Variants in THOC1 observed in about 807,000 individuals in gnomAD.
THOC1 encodes the protein THO complex subunit 1, also known as THO complex 1.
THOC1 carries 29 observed loss-of-function variants against 97.3 expected under a neutral mutation model. The ratio of observed to expected loss-of-function variants is 0.30; its 90% CI spans 0.22 to 0.41. THOC1 has a LOEUF of 0.41. THOC1 is among the 10% of genes least tolerant of loss of function. The pLI, the probability that THOC1 is intolerant of heterozygous loss-of-function variation, is 1.00. For synonymous variants in THOC1, 255 were observed against 257.0 expected (o/e 0.99, Z 0.07); for missense variants, 529 against 761.9 (o/e 0.69, Z 3.60).
At chr18:235,477 C>CT (rs1911649239) in intron 11 of THOC1, among the ~76,000 whole-genome samples, 1 of 152,112 alleles carries the variant, frequency 6.6e-6, no homozygotes, top group African/African-American at 2.4e-5. Context: ...GAAGCTTTAA[C>CT]TGTCCCTTTG....
In THOC1 at chr18:237,607, GA is replaced by G. The variant is rs78755572; in HGVS notation, c.918+8716del. 0.028 allele frequency among the ~76,000 whole-genome samples: 4,208 copies of G among 147,738 alleles called. 370 individuals are homozygous for G. In the East Asian group the frequency reaches 0.32, roughly 11 times the overall value. ...TATACCCATTTTCTCCCCAGATTAG[GA>G]AAAAAAAAATACAGGTTCCACAGTT... On this transcript the variant is annotated intron_variant, in intron 11 of 20. Transcript: ENST00000261600.
chr18:232,757 T>C (rs998334492), intron 11 of THOC1, among the ~76,000 whole-genome samples: 2 of 151,838 alleles, frequency 1.3e-5, no homozygotes, highest in Non-Finnish European at 2.9e-5. Context: ...ACTAGTATTG[T>C]TAGGCTTTTC....
chr18:263,811 G>A (rs1912680567), intron 4 of THOC1: 1 of 434,556 alleles, frequency 2.3e-6, no homozygotes, highest in African/African-American at 2.0e-5. Flanking sequence ...AACAACTGGA[G>A]AACAAAGGAA....
intron 11 of THOC1, among the ~76,000 whole-genome samples, chr18:233,521 G>A (rs1326229647): frequency 6.6e-6 from 1 of 152,220 alleles, no homozygotes; most frequent in African/African-American, 2.4e-5. Context: ...AGGAGGTGGA[G>A]GCTGCGATGA....
Position 259,161 on chromosome 18 carries a change from T to G in THOC1, c.520+19A>C, listed in dbSNP as rs1050410791. 8 of 1,574,444 alleles carry G rather than the reference T, an allele frequency of 5.1e-6. 1 individual carries two copies. The highest frequency in any genetic ancestry group is 1.7e-4 in the Middle Eastern group (1 of 5,968). On this transcript the variant is annotated intron_variant, in intron 7 of 20. Transcript: ENST00000261600. ...AAAGATTTTCCTGCAGAAAACTCAT[T>G]TAATGCATAAAAGCTTACCTGATTT... is the stretch of plus-strand genomic sequence containing the variant.
intron 7 of THOC1, among the ~76,000 whole-genome samples, chr18:256,669 G>C (rs1404157342): frequency 6.6e-6 from 1 of 152,104 alleles, no homozygotes; most frequent in African/African-American, 2.4e-5. Flanking sequence ...TGCGATCTCG[G>C]CTTATTTTTT....
At chr18:267,759 G>GGGCGGA (rs1206549581) in intron 1 of THOC1, among the ~76,000 whole-genome samples, 2 of 152,194 alleles carry the variant, frequency 1.3e-5, no homozygotes, top group Non-Finnish European at 2.9e-5. Flanking sequence ...GCTGGAGGGT[G>GGGCGGA]GGCGGAGGCG....
rs34534049 is a variant in THOC1, at chr18:242,442, CAAA to C, written c.918+3879_918+3881del. Among the ~76,000 whole-genome samples, 2 of 138,328 alleles carry C rather than the reference CAAA, an allele frequency of 1.4e-5. No individual in the cohort carries two copies. Among genetic ancestry groups the C allele is most frequent in the Non-Finnish European group, 1.6e-5 (1 of 64,464 alleles). The allele number at this position is 138,328 out of a possible 152,430, so 90.7% of individuals were successfully genotyped here. ...ACAGTGGGCCAAAAAAAAAGTGTCT[CAAA>C]AAAAAAAAAAAAGTTTGTATCATCC... On this transcript the variant is annotated intron_variant, in intron 11 of 20. Transcript: ENST00000261600. This position sits in a 1 kb window ranked among gnomAD's most constrained non-coding sequence, Gnocchi z 4.5.
At chr18:258,957 A>G (rs1029007111) in intron 7 of THOC1, among the ~76,000 whole-genome samples, 6 of 152,142 alleles carry the variant, frequency 3.9e-5, no homozygotes, top group Non-Finnish European at 5.9e-5. Flanking sequence ...CTTTACATTA[A>G]TAAGCTTTGA....
Position 225,323 on chromosome 18 carries a change from C to T in THOC1, c.1086+14G>A, listed in dbSNP as rs879001821. 8.1e-6 allele frequency: 13 copies of T among 1,611,848 alleles called. No homozygotes were observed. The highest frequency in any genetic ancestry group is 2.2e-5 in the South Asian group (2 of 90,952). On this transcript the variant is annotated intron_variant, in intron 13 of 20. Transcript: ENST00000261600. ...CATTTTTTCAATCATGGGTTTGTTG[C>T]GTGTTGAACTTACTTGATAAACTGA...
chr18:218,817 A>G (rs1910982824), intron 18 of THOC1, 69 bp downstream of exon 18: 2 of 1,323,422 alleles, frequency 1.5e-6, no homozygotes, highest in Non-Finnish European at 2.1e-6. Flanking sequence ...GCTTTCTAGT[A>G]TACACACAAT....
chr18:254,127 G>T lies in THOC1; in HGVS notation c.603+146C>A, dbSNP rs2143278259. ...AGGATTTGCCATGTTGTCCAGGCTGGTCTTGAACTCCTAGGCTCAAGCGAT... is the reference window on the plus strand; with the variant it reads ...AGGATTTGCCATGTTGTCCAGGCTGTTCTTGAACTCCTAGGCTCAAGCGAT... On this transcript the variant is annotated intron_variant, in intron 8 of 20. Transcript: ENST00000261600. The surrounding 1 kb of genome is among the most constrained non-coding windows in gnomAD (Gnocchi z 4.1). 1 of 604,126 alleles carries T rather than the reference G, an allele frequency of 1.7e-6. No homozygotes were observed. Among genetic ancestry groups the T allele is most frequent in the East Asian group, 3.0e-5 (1 of 33,470 alleles). The allele number at this position is 604,126 out of a possible 1,614,324, so 37.4% of individuals were successfully genotyped here. A position where few individuals can be genotyped will look rare whatever the true frequency, so the allele number is the denominator to read the frequency against.
intron 4 of THOC1, chr18:260,638 T>C (rs1027997877): frequency 6.4e-6 from 1 of 157,428 alleles, no homozygotes; most frequent in African/African-American, 2.4e-5. Flanking sequence ...TTTTATAGAA[T>C]GGGAAAACTG....
intron 9 of THOC1, among the ~76,000 whole-genome samples, chr18:251,765 C>T (rs75834030): frequency 0.036 from 5,523 of 152,270 alleles, 397 homozygotes; most frequent in East Asian, 0.32. Flanking sequence ...GAGCAGATGG[C>T]GTCCTGTACA....
At chr18:231,878 T>A (rs1408412160) in intron 11 of THOC1, among the ~76,000 whole-genome samples, 1 of 152,248 alleles carries the variant, frequency 6.6e-6, no homozygotes, top group Admixed American at 6.5e-5. Context: ...TGCAATTTGC[T>A]ATTTTCATAC....
At chr18:216,003 G>A (rs1186291362) in intron 19 of THOC1, among the ~76,000 whole-genome samples, 1 of 152,174 alleles carries the variant, frequency 6.6e-6, no homozygotes, top group Non-Finnish European at 1.5e-5. Context: ...TGCCAGGCTG[G>A]AGTGCAGTGG....
intron 11 of THOC1, among the ~76,000 whole-genome samples, chr18:229,906 TCTC>T (rs1911426328): frequency 6.6e-6 from 1 of 151,318 alleles, no homozygotes; most frequent in East Asian, 2.0e-4. Context: ...AGTATTTTCT[TCTC>T]TTCTGAATCT....
intron 7 of THOC1, among the ~76,000 whole-genome samples, chr18:256,368 G>A (rs1017497674): frequency 6.6e-6 from 1 of 152,166 alleles, no homozygotes; most frequent in South Asian, 2.1e-4. Flanking sequence ...AGATGACTTC[G>A]AGGGGTTCAA....
At chr18:247,790 T>C in intron 10 of THOC1, 59 bp downstream of exon 10, 2 of 993,750 alleles carry the variant, frequency 2.0e-6, no homozygotes, top group South Asian at 2.9e-5. Flanking sequence ...GATTAAGTTT[T>C]AGCTCTATCA....
Sources: gnomAD v4.1 joint callset for allele counts (sites outside exome capture counted in the v4.1 genomes callset) on GRCh38, gnomAD v4.1.1 for gene constraint, Gnocchi (gnomAD v3.1) non-coding constraint, MANE v1.5 for transcripts, NCBI Gene and HGNC (gene_info 2026-07-23, HGNC 2026-07-21) for gene names.